PARVB: variants seen among roughly 807,000 people sequenced by gnomAD.
The protein encoded by PARVB is parvin beta.
PARVB carries 46 observed loss-of-function variants against 47.0 expected under a neutral mutation model. The observed-to-expected ratio is 0.98, with a 90% confidence interval of 0.77 to 1.25. PARVB has a LOEUF of 1.25. Ranked by LOEUF, PARVB falls within the 50% of genes most tolerant of loss-of-function variation. The probability of loss-of-function intolerance (pLI) is 0.00; values close to 1 mark genes in which losing one functional copy is unlikely to be tolerated. For synonymous variants in PARVB, 196 were observed against 196.3 expected (o/e 1.00, Z 0.01); for missense variants, 473 against 471.6 (o/e 1.00, Z -0.03).
intron 1 of PARVB, among the ~76,000 whole-genome samples, chr22:44,085,103 T>C (rs1316193968): frequency 1.3e-5 from 2 of 152,156 alleles, no homozygotes; most frequent in Non-Finnish European, 2.9e-5. Context: ...AAATACATAG[T>C]GGTGAGTTTT....
At chr22:44,047,044 G>T (rs892276350) in intron 1 of PARVB, among the ~76,000 whole-genome samples, 2 of 152,184 alleles carry the variant, frequency 1.3e-5, no homozygotes, top group African/African-American at 2.4e-5. Flanking sequence ...GAGGTGTTTT[G>T]TCCTGGAGCC....
chr22:44,113,343 T>C (rs1250917700), intron 3 of PARVB: 6 of 90,252 alleles, frequency 6.6e-5, no homozygotes, highest in Non-Finnish European at 1.3e-4. Flanking sequence ...CACAGATACA[T>C]TGTTACTAAC....
At chr22:44,111,321 A>G (rs1024995537) in intron 3 of PARVB, 7 of 149,946 alleles carry the variant, frequency 4.7e-5, no homozygotes. Flanking sequence ...ACTCTGGTGG[A>G]GCTGGGTCTT....
intron 1 of PARVB, among the ~76,000 whole-genome samples, chr22:44,078,146 C>A (rs2051819490): frequency 6.6e-6 from 1 of 152,200 alleles, no homozygotes; most frequent in African/African-American, 2.4e-5. Context: ...CCTGTGAGCT[C>A]TGTTTGCATC....
chr22:44,073,834 C>T lies in PARVB; in HGVS notation c.113-20094C>T, dbSNP rs1314195947. Reference sequence around the variant, plus strand: ...TCCCACACTGGGTCTGTGGTGGGCTCGGCAGCTGGCCTGCACACAGGAGAT... The same window carrying T: ...TCCCACACTGGGTCTGTGGTGGGCTTGGCAGCTGGCCTGCACACAGGAGAT... On this transcript the variant is annotated intron_variant, in intron 1 of 12. Transcript: ENST00000338758. Among the ~76,000 whole-genome samples the T allele has an allele frequency of 3.3e-5, 5 of 152,232 alleles. No homozygotes were observed. The East Asian group carries it at 5.8e-4, about 18-fold the overall frequency.
chr22:44,082,891 G>A (rs1281033316), intron 1 of PARVB, among the ~76,000 whole-genome samples: 1 of 152,000 alleles, frequency 6.6e-6, no homozygotes, highest in African/African-American at 2.4e-5. Context: ...GCAACTTTTC[G>A]TATTCAGAAG....
chr22:44,019,283 G>A (rs972327309), intron 2 of PARVB, among the ~76,000 whole-genome samples: 3 of 151,378 alleles, frequency 2.0e-5, no homozygotes, highest in Admixed American at 2.0e-4. Flanking sequence ...GCAATGGCAT[G>A]ATCTTGGCTA....
intron 1 of PARVB, among the ~76,000 whole-genome samples, chr22:44,073,203 A>T (rs1037531382): frequency 6.6e-6 from 1 of 152,210 alleles, no homozygotes; most frequent in Non-Finnish European, 1.5e-5. Flanking sequence ...TTAAAGTCAG[A>T]AGTGGGCTGG....
chr22:44,135,752 C>T (rs1193306764), intron 6 of PARVB, among the ~76,000 whole-genome samples: 2 of 152,188 alleles, frequency 1.3e-5, no homozygotes, highest in African/African-American at 4.8e-5. Flanking sequence ...CATGTCTCCT[C>T]CTCTAGGGGA....
At chr22:44,042,150 G>A (rs147313232) in intron 1 of PARVB, among the ~76,000 whole-genome samples, 4 of 151,984 alleles carry the variant, frequency 2.6e-5, no homozygotes, top group African/African-American at 4.8e-5. Context: ...GGCTGGGCGC[G>A]GTGGCTCATG....
intron 3 of PARVB, chr22:44,104,432 CT>C (rs1222739678): frequency 2.0e-5 from 3 of 152,496 alleles, no homozygotes; most frequent in Non-Finnish European, 4.4e-5. Context: ...TTAGTTCTCA[CT>C]GACTATAGCC....
chr22:44,061,320 A>G (rs2051414055), intron 1 of PARVB, among the ~76,000 whole-genome samples: 1 of 152,080 alleles, frequency 6.6e-6, no homozygotes, highest in African/African-American at 2.4e-5. Context: ...AATCCCACCT[A>G]TTCAGGAGGC....
intron 1 of PARVB, among the ~76,000 whole-genome samples, chr22:44,080,308 G>A (rs1282016654): frequency 6.6e-6 from 1 of 152,210 alleles, no homozygotes. Context: ...TACAGTTCTG[G>A]AGGTCAGGAG....
At chr22:44,128,050 A>C (rs1001209228) in intron 4 of PARVB, among the ~76,000 whole-genome samples, 21 of 152,276 alleles carry the variant, frequency 1.4e-4, no homozygotes, top group East Asian at 7.7e-4. Flanking sequence ...CCCAAAGTGC[A>C]GGGATCACAG....
At chr22:44,099,550 C>A (rs1427122179) in intron 2 of PARVB, among the ~76,000 whole-genome samples, 1 of 151,904 alleles carries the variant, frequency 6.6e-6, no homozygotes, top group African/African-American at 2.4e-5. Context: ...CTATTTATTT[C>A]TCAATATTTT....
chr22:44,121,369 C>G (rs1436896020), intron 4 of PARVB, among the ~76,000 whole-genome samples: 2 of 152,070 alleles, frequency 1.3e-5, no homozygotes, highest in Non-Finnish European at 2.9e-5. Context: ...GTCCTGTTCA[C>G]CCATGATGCG....
chr22:44,151,569 T>C lies in PARVB; in HGVS notation c.843+18T>C. On this transcript the variant is annotated intron_variant, in intron 10 of 12. Coordinates refer to ENST00000338758, the MANE Select transcript of PARVB (RefSeq NM_013327.5). ...AGACCCAGGTATGTGCTGCTTTGGCTTGAAGGATCCTTTGTCCACCGCCAT... is the reference window on the plus strand; with the variant it reads ...AGACCCAGGTATGTGCTGCTTTGGCCTGAAGGATCCTTTGTCCACCGCCAT... The C allele has an allele frequency of 6.2e-7, 1 of 1,600,042 alleles. No individual in the cohort carries two copies. The highest frequency in any genetic ancestry group is 8.6e-7 in the Non-Finnish European group (1 of 1,167,078).
At chr22:44,005,882 C>G (rs1047928371) in intron 2 of PARVB, among the ~76,000 whole-genome samples, 1 of 152,230 alleles carries the variant, frequency 6.6e-6, no homozygotes, top group African/African-American at 2.4e-5. Flanking sequence ...GAGGAGTGTA[C>G]TTCTGTTTCA....
intron 7 of PARVB, among the ~76,000 whole-genome samples, chr22:44,138,205 C>T (rs1259855329): frequency 1.3e-5 from 2 of 152,162 alleles, no homozygotes; most frequent in Non-Finnish European, 2.9e-5. Flanking sequence ...ACCCATCCTG[C>T]TGATGAGAAA....
Sources: allele counts gnomAD v4.1 joint callset (sites outside exome capture counted in the v4.1 genomes callset), GRCh38; gene constraint gnomAD v4.1.1; transcripts MANE v1.5; gene names NCBI Gene and HGNC (gene_info 2026-07-23, HGNC 2026-07-21).